Variants in AK9 observed in about 807,000 individuals in gnomAD.
AK9 encodes adenylate kinase 9.
Under a neutral mutation model 239.6 loss-of-function variants are expected in AK9, and 191 were observed. That is an observed-to-expected ratio of 0.80 (90% CI 0.71 to 0.90). The LOEUF is 0.90. Among genes scored for constraint, AK9 ranks in the 40% least tolerant of loss-of-function variants. The pLI is 0.00. For missense variants in AK9, 1,995 were observed against 2,214.7 expected (o/e 0.90, Z 1.99); for synonymous variants, 689 against 721.0 (o/e 0.96, Z 0.71).
intron 29 of AK9, chr6:109,528,261 G>A (rs569720399): frequency 8.9e-6 from 3 of 338,280 alleles, no homozygotes; most frequent in South Asian, 7.0e-5. Flanking sequence ...ACATCTTTTT[G>A]ATCCTAAACA....
Position 109,675,750 on chromosome 6 carries a change from C to G in AK9, c.-5G>C. 1 of 1,507,298 alleles carries G rather than the reference C, an allele frequency of 6.6e-7. No individual in the cohort carries two copies. Among genetic ancestry groups the G allele is most frequent in the Non-Finnish European group, 9.1e-7 (1 of 1,104,664 alleles). 93.4% of individuals were successfully genotyped at this position (1,507,298 alleles called of 1,614,324 possible). On this transcript the variant is annotated 5_prime_UTR_variant, in exon 2 of 41. Transcript: ENST00000424296. ...TGTCTTCTCTTGAGAAGTCATGACA[C>G]AAAATACTACAATAAAAAAGGGTAA...
intron 1 of AK9, among the ~76,000 whole-genome samples, chr6:109,678,584 C>T (rs998593856): frequency 6.6e-6 from 1 of 152,130 alleles, no homozygotes; most frequent in Non-Finnish European, 1.5e-5. Context: ...TGTAAATCTA[C>T]AGTTATCTCA....
chr6:109,515,057 C>T (rs551511903), intron 31 of AK9, among the ~76,000 whole-genome samples: 1 of 152,266 alleles, frequency 6.6e-6, no homozygotes, highest in Admixed American at 6.5e-5. Flanking sequence ...AGAGGTCTTG[C>T]CTTGTCAGAA....
rs146769993 is a variant in AK9, at chr6:109,544,361, G to A, written c.3225+1506C>T. 2.7e-3 allele frequency among the ~76,000 whole-genome samples: 412 copies of A among 152,134 alleles called. 2 individuals carry two copies. The highest frequency in any genetic ancestry group is 5.0e-3 in the South Asian group (24 of 4,812). On this transcript the variant is annotated intron_variant, in intron 26 of 40. Transcript: ENST00000424296. ...TAATACGGTTTGGATCTGTTTCCCC[G>A]CCCAAATCTCATGTGGAATTGCAAT... is the stretch of plus-strand genomic sequence containing the variant.
intron 8 of AK9, 26 bp from the exon 9 acceptor site, chr6:109,644,714 A>T: frequency 6.4e-7 from 1 of 1,568,674 alleles, no homozygotes; most frequent in South Asian, 1.1e-5. Context: ...AAGAAACTTT[A>T]TAATACAGGA....
At position 109,557,186 on chromosome 6, in the gene AK9, T is replaced by C. The variant is rs539932576; in HGVS notation, c.2751+6411A>G. Among the ~76,000 whole-genome samples, 5 of 152,204 alleles carry C rather than the reference T, an allele frequency of 3.3e-5. No individual in the cohort carries two copies. In the South Asian group the frequency reaches 1.0e-3, roughly 32 times the overall value. ...GGTTTTTGTGGGGGCCTTTTTGTTG[T>C]TGTTGATGCTGTTGTTGTCACTTTC... On this transcript the variant is annotated intron_variant, in intron 24 of 40. Transcript: ENST00000424296.
At chr6:109,690,931 C>T (rs1774299478) in intron 1 of AK9, among the ~76,000 whole-genome samples, 1 of 152,134 alleles carries the variant, frequency 6.6e-6, no homozygotes, top group African/African-American at 2.4e-5. Flanking sequence ...GGAAAACTGA[C>T]ACTCAGTGAA....
intron 25 of AK9, among the ~76,000 whole-genome samples, chr6:109,547,846 C>CAAAAAAAAAAA (rs55899214): frequency 8.2e-6 from 1 of 121,850 alleles, no homozygotes; most frequent in African/African-American, 3.4e-5. Context: ...AGCTCAGTAG[C>CAAAAAAAAAAA]AAAAAAAAAA....
rs942242973 is a variant in AK9, at chr6:109,563,658, G to T, written c.2690C>A (p.Thr897Lys). The T allele has an allele frequency of 1.9e-6, 3 of 1,550,440 alleles. No homozygotes were observed. The Admixed American group carries it at 5.9e-5, about 30-fold the overall frequency. ...CTCTGCTTCAGTCTGGTAGTCTTCT[G>T]TTTCTTCCTCATAATCTTCCCCAGT... ...ELTGEDYEEE[T>K]EDYQTEAEVD... Residue 897 changes from threonine to lysine, a missense_variant, in exon 24 of 41, where the codon ACA becomes AAA. Around this residue, in one of 5 missense-constraint regions of AK9, gnomAD observed 1,290 missense variants for 1,392.7 expected, o/e 0.93. Coordinates refer to ENST00000424296, the MANE Select transcript of AK9 (RefSeq NM_001145128.3).
intron 27 of AK9, among the ~76,000 whole-genome samples, chr6:109,538,190 A>T (rs561271679): frequency 6.6e-6 from 1 of 152,140 alleles, no homozygotes; most frequent in Non-Finnish European, 1.5e-5. Flanking sequence ...GATCTGTCTA[A>T]TGTTGATAGT....
At chr6:109,660,672 C>T (rs57017827) in intron 6 of AK9, among the ~76,000 whole-genome samples, 5,435 of 152,260 alleles carry the variant, frequency 0.036, 323 homozygotes, top group African/African-American at 0.13. Flanking sequence ...CTATCTCCTT[C>T]AGCTGTCTCC....
rs1279149718 is a variant in AK9 at position 109,516,050 on chromosome 6, G to A, written c.3872C>T (p.Pro1291Leu). The change falls in exon 31 of 41, where the codon CCA becomes CTA. Residue 1291 changes from proline to leucine, a missense_variant. By Grantham distance (98) the Pro-to-Leu change is moderately conservative. Coordinates refer to ENST00000424296, the MANE Select transcript of AK9 (RefSeq NM_001145128.3). ...CCGAGCTCCATTAATGGAAATTATTGGTATCAAATACCTCTCAAGTTCATC... is the reference window on the plus strand; with the variant it reads ...CCGAGCTCCATTAATGGAAATTATTAGTATCAAATACCTCTCAAGTTCATC... ...IQDELERYLI[P>L]IISINGARRN... 6.5e-7 allele frequency: 1 copy of A among 1,549,764 alleles called. No homozygotes were observed. The highest frequency in any genetic ancestry group is 1.4e-5 in the African/African-American group (1 of 72,904).
At chr6:109,684,597 G>A (rs1215723205) in intron 1 of AK9, among the ~76,000 whole-genome samples, 14 of 151,760 alleles carry the variant, frequency 9.2e-5, no homozygotes, top group East Asian at 5.9e-4. Context: ...AAAGGAGGCC[G>A]GGCGCGGTGG....
chr6:109,607,656 T>C (rs1425072210), intron 17 of AK9, among the ~76,000 whole-genome samples: 1 of 152,128 alleles, frequency 6.6e-6, no homozygotes, highest in Non-Finnish European at 1.5e-5. Flanking sequence ...GAGGGATGGC[T>C]GTACAAATAT....
intron 23 of AK9, 21 bp downstream of exon 23, chr6:109,564,059 T>C: frequency 5.2e-6 from 8 of 1,535,990 alleles, no homozygotes; most frequent in Non-Finnish European, 7.0e-6. Context: ...TGATAATAAA[T>C]GTTATGATTA....
intron 29 of AK9, 48 bp downstream of exon 29, chr6:109,528,963 G>T: frequency 6.3e-7 from 1 of 1,588,216 alleles, no homozygotes; most frequent in Non-Finnish European, 8.5e-7. Flanking sequence ...CCCTGCCCTG[G>T]GCAACAGAGT....
At chr6:109,614,762 A>G (rs1412308179) in intron 13 of AK9, among the ~76,000 whole-genome samples, 3 of 152,172 alleles carry the variant, frequency 2.0e-5, no homozygotes, top group Non-Finnish European at 4.4e-5. Context: ...AGGCTGTTCC[A>G]TGTTAGCTGC....
chr6:109,625,535 G>C (rs1795413564), intron 12 of AK9, among the ~76,000 whole-genome samples: 1 of 152,254 alleles, frequency 6.6e-6, no homozygotes, highest in Admixed American at 6.5e-5. Flanking sequence ...TCTTGTCAGA[G>C]CAGTGGCAGC....
chr6:109,655,599 G>T (rs1799579032), intron 8 of AK9, among the ~76,000 whole-genome samples: 1 of 152,120 alleles, frequency 6.6e-6, no homozygotes. Flanking sequence ...ATGAACATTT[G>T]TTAAATATTT....
Sources: allele counts gnomAD v4.1 joint callset (sites outside exome capture counted in the v4.1 genomes callset), GRCh38; gene constraint gnomAD v4.1.1; regional missense constraint gnomAD v4.1.1; transcripts MANE v1.5; gene names NCBI Gene and HGNC (gene_info 2026-07-23, HGNC 2026-07-21).